The following CNTN3 variants were observed in gnomAD, a reference collection of about 807,000 sequenced individuals.
CNTN3 encodes contactin 3.
A neutral mutation model predicts 119.1 loss-of-function variants in CNTN3; 60 were observed. The observed-to-expected ratio is 0.50, with a 90% confidence interval of 0.41 to 0.62. CNTN3 has a LOEUF of 0.62. Among genes scored for constraint, CNTN3 ranks in the 20% least tolerant of loss-of-function variants. The pLI is 0.00. For missense variants in CNTN3, 1,101 were observed against 1,242.4 expected (o/e 0.89, Z 1.71); for synonymous variants, 450 against 438.7 (o/e 1.03, Z -0.32).
intron 4 of CNTN3, among the ~76,000 whole-genome samples, chr3:74,433,432 C>T (rs1024060294): frequency 1.3e-5 from 2 of 152,116 alleles, no homozygotes; most frequent in African/African-American, 4.8e-5. Context: ...TTGTAAGTCT[C>T]CAAGCAGAGA....
At chr3:74,325,717 T>A (rs1383790520) in intron 13 of CNTN3, among the ~76,000 whole-genome samples, 8 of 152,150 alleles carry the variant, frequency 5.3e-5, no homozygotes, top group Admixed American at 3.9e-4. Context: ...AGTAAAGTAT[T>A]ATCAACATCT....
At chr3:74,458,317 A>G (rs957271181) in intron 4 of CNTN3, among the ~76,000 whole-genome samples, 77 of 152,176 alleles carry the variant, frequency 5.1e-4, no homozygotes, top group African/African-American at 1.3e-3. Flanking sequence ...GGAGTTGGCA[A>G]ACTACAGCTG....
chr3:74,308,245 T>C (rs1378477043), intron 13 of CNTN3, among the ~76,000 whole-genome samples: 1 of 152,162 alleles, frequency 6.6e-6, no homozygotes, highest in African/African-American at 2.4e-5. Context: ...GCAGAAAGAA[T>C]TGGCAGTCAC....
intron 4 of CNTN3, among the ~76,000 whole-genome samples, chr3:74,455,127 G>A (rs1036647631): frequency 1.4e-4 from 21 of 151,958 alleles, no homozygotes; most frequent in African/African-American, 2.4e-4. Flanking sequence ...CATTCTCCCC[G>A]TCACTTTCAG....
chr3:74,499,223 A>C (rs1457557399), intron 3 of CNTN3, among the ~76,000 whole-genome samples: 1 of 151,924 alleles, frequency 6.6e-6, no homozygotes, highest in African/African-American at 2.4e-5. Context: ...TGGTAAGAAT[A>C]CATTTTATTC....
rs186416556 is a variant in CNTN3 at position 74,341,730 on chromosome 3, G to C, written c.1365-5072C>G. Among the ~76,000 whole-genome samples, 170 of 152,208 alleles carry C rather than the reference G, an allele frequency of 1.1e-3. 1 individual carries two copies. Among genetic ancestry groups the C allele is most frequent in the South Asian group, 1.9e-3 (9 of 4,820 alleles). On this transcript the variant is annotated intron_variant, in intron 11 of 22. Transcript: ENST00000263665. ...TTAAAAAACTTTGTTTGTTCATAAAGTATACTGTTGTCTAGACAACATTGA... is the reference window on the plus strand; with the variant it reads ...TTAAAAAACTTTGTTTGTTCATAAACTATACTGTTGTCTAGACAACATTGA...
intron 1 of CNTN3, among the ~76,000 whole-genome samples, chr3:74,587,858 T>C (rs948677625): frequency 1.3e-5 from 2 of 152,198 alleles, no homozygotes. Context: ...AGAGAGGGCA[T>C]CCCTGTCTTG....
intron 3 of CNTN3, among the ~76,000 whole-genome samples, chr3:74,497,581 T>C (rs1425875047): frequency 6.6e-6 from 1 of 151,920 alleles, no homozygotes; most frequent in Admixed American, 6.6e-5. Context: ...TTTATATTGG[T>C]TAGAAATCTT....
At chr3:74,519,799 C>A (rs1703511952) in intron 2 of CNTN3, among the ~76,000 whole-genome samples, 1 of 151,568 alleles carries the variant, frequency 6.6e-6, no homozygotes, top group Non-Finnish European at 1.5e-5. Context: ...TGATGAGTAG[C>A]AGTCAATGAA....
chr3:74,448,510 G>A (rs562515490), intron 4 of CNTN3, among the ~76,000 whole-genome samples: 112 of 152,252 alleles, frequency 7.4e-4, no homozygotes, highest in Non-Finnish European at 1.3e-3. Flanking sequence ...TATGTAGCAT[G>A]TAGAGTGTAA....
intron 4 of CNTN3, among the ~76,000 whole-genome samples, chr3:74,429,790 T>C (rs936332909): frequency 5.3e-5 from 8 of 152,030 alleles, no homozygotes; most frequent in African/African-American, 1.9e-4. Flanking sequence ...AATTCAATAG[T>C]ATAAAACATA....
At chr3:74,520,424 T>C (rs1047647217) in intron 2 of CNTN3, among the ~76,000 whole-genome samples, 3 of 151,326 alleles carry the variant, frequency 2.0e-5, no homozygotes, top group Admixed American at 2.0e-4. Flanking sequence ...AAAAAGTTAG[T>C]TATATATACA....
intron 1 of CNTN3, among the ~76,000 whole-genome samples, chr3:74,567,291 C>A (rs1704241596): frequency 6.6e-6 from 1 of 150,506 alleles, no homozygotes; most frequent in Admixed American, 6.7e-5. Context: ...CAGGTGCATG[C>A]CGCTATACTC....
intron 4 of CNTN3, among the ~76,000 whole-genome samples, chr3:74,458,359 G>A (rs990027729): frequency 6.6e-6 from 1 of 152,000 alleles, no homozygotes; most frequent in Non-Finnish European, 1.5e-5. Flanking sequence ...ACATGTTTTT[G>A]TCTGGTCTGA....
intron 4 of CNTN3, among the ~76,000 whole-genome samples, chr3:74,480,567 A>G (rs906951638): frequency 6.6e-6 from 1 of 152,070 alleles, no homozygotes; most frequent in Non-Finnish European, 1.5e-5. Context: ...ACCAAAAGAG[A>G]CAGTGAAAAT....
chr3:74,562,975 A>C (rs972030069), intron 1 of CNTN3, among the ~76,000 whole-genome samples: 2 of 152,184 alleles, frequency 1.3e-5, no homozygotes, highest in African/African-American at 4.8e-5. Context: ...TGCCCATTTG[A>C]GAATAATGAT....
chr3:74,517,337 C>A (rs1345904798), intron 2 of CNTN3, among the ~76,000 whole-genome samples: 1 of 151,908 alleles, frequency 6.6e-6, no homozygotes, highest in East Asian at 1.9e-4. Context: ...GACCAATTCT[C>A]CTTGCTTGGC....
chr3:74,508,563 A>ATAAACATACAACTGATAAAG (rs1368205674), intron 2 of CNTN3, among the ~76,000 whole-genome samples: 2 of 152,186 alleles, frequency 1.3e-5, no homozygotes, highest in Non-Finnish European at 2.9e-5. Context: ...CATACAACTG[A>ATAAACATACAACTGATAAAG]TAAACATACA....
chr3:74,278,955 G>A (rs1213191487), intron 20 of CNTN3, among the ~76,000 whole-genome samples: 3 of 152,104 alleles, frequency 2.0e-5, no homozygotes, highest in Admixed American at 6.5e-5. Flanking sequence ...TGAAGGACAT[G>A]AACAGACAAT....
Sources: gnomAD v4.1 joint callset for allele counts (sites outside exome capture counted in the v4.1 genomes callset) on GRCh38, gnomAD v4.1.1 for gene constraint, MANE v1.5 for transcripts, NCBI Gene and HGNC (gene_info 2026-07-23, HGNC 2026-07-21) for gene names.